DLG2: variants seen among roughly 807,000 people sequenced by gnomAD.
DLG2 encodes discs large MAGUK scaffold protein 2.
DLG2 carries 45 observed loss-of-function variants against 132.5 expected under a neutral mutation model. The observed-to-expected ratio is 0.34, with a 90% confidence interval of 0.27 to 0.44. The LOEUF (loss-of-function observed/expected upper bound fraction) is 0.44, where lower values mean the gene tolerates loss of function less well. Ranked by LOEUF, DLG2 falls within the 20% of genes least tolerant of loss-of-function variation. The pLI is 1.00. For missense variants in DLG2, 1,045 were observed against 1,196.9 expected (o/e 0.87, Z 1.87); for synonymous variants, 424 against 419.6 (o/e 1.01, Z -0.13).
At chr11:84,729,062 A>G (rs1390218366) in intron 6 of DLG2, among the ~76,000 whole-genome samples, 2 of 151,986 alleles carry the variant, frequency 1.3e-5, no homozygotes, top group Non-Finnish European at 2.9e-5. Context: ...GATTTTTTGA[A>G]GGTTTTTTTG....
At position 84,355,711 on chromosome 11, in the gene DLG2, A is replaced by T. The variant is rs111859439; in HGVS notation, c.520-104420T>A. ...GGTAAGATGAAGAATCAGAAATTTT[A>T]AAAAAAGATCACAAAGGACCTTCCT... On this transcript the variant is annotated intron_variant, in intron 7 of 27. Transcript: ENST00000376104. Among the ~76,000 whole-genome samples the T allele has an allele frequency of 1.7e-4, 26 of 152,264 alleles. 1 individual carries two copies. Among genetic ancestry groups the T allele is most frequent in the African/African-American group, 6.3e-4 (26 of 41,562 alleles).
chr11:83,494,957 GT>G (rs1215562005), intron 21 of DLG2, among the ~76,000 whole-genome samples: 1 of 152,128 alleles, frequency 6.6e-6, no homozygotes, highest in Non-Finnish European at 1.5e-5. Flanking sequence ...CTCCTGGAGT[GT>G]TTGTTTGCTT....
At chr11:85,309,033 A>G (rs1038320563) in intron 3 of DLG2, among the ~76,000 whole-genome samples, 1 of 152,112 alleles carries the variant, frequency 6.6e-6, no homozygotes, top group Non-Finnish European at 1.5e-5. Context: ...CCTATAGAAT[A>G]GGGAGAAAAT....
intron 6 of DLG2, among the ~76,000 whole-genome samples, chr11:84,947,514 T>C (rs1228250974): frequency 6.6e-6 from 1 of 152,182 alleles, no homozygotes; most frequent in Non-Finnish European, 1.5e-5. Context: ...AATTCCTCCA[T>C]GCCAACAACC....
At chr11:84,887,611 C>T (rs1054860524) in intron 6 of DLG2, among the ~76,000 whole-genome samples, 2 of 152,052 alleles carry the variant, frequency 1.3e-5, no homozygotes, top group African/African-American at 2.4e-5. Flanking sequence ...TAATTAGGAT[C>T]AAGAGAATGG....
chr11:84,437,647 A>G (rs2099004929), intron 7 of DLG2: 1 of 152,306 alleles, frequency 6.6e-6, no homozygotes, highest in Non-Finnish European at 1.5e-5. Context: ...GAGAAAAGGC[A>G]GTCCTGTTTG....
At chr11:84,128,203 T>C (rs904978916) in intron 9 of DLG2, among the ~76,000 whole-genome samples, 3 of 152,144 alleles carry the variant, frequency 2.0e-5, no homozygotes, top group African/African-American at 7.2e-5. Context: ...GTGTGAGATG[T>C]TAGACCAGTA....
chr11:84,357,158 T>C (rs1463945418), intron 7 of DLG2, among the ~76,000 whole-genome samples: 2 of 152,058 alleles, frequency 1.3e-5, no homozygotes, highest in African/African-American at 4.8e-5. Context: ...CAGCACAGTC[T>C]GGATGTCTTC....
rs2055238901 is a variant in DLG2 at position 83,833,660 on chromosome 11, G to C, written c.1676C>G (p.Pro559Arg). 2 of 1,613,876 alleles carry C rather than the reference G, an allele frequency of 1.2e-6. No homozygotes were observed. The highest frequency in any genetic ancestry group is 1.1e-5 in the South Asian group (1 of 91,062). ...IFVSFILAGGPADLSGELQRG... is the reference protein window; with the variant it reads ...IFVSFILAGGRADLSGELQRG... ...CTGGAGCTCCCCACTTAGGTCTGCT[G>C]GTCCACCAGCCAGAATGAAGGACAC... Residue 559 changes from proline (P) to arginine (R), a missense_variant, in exon 17 of 28, where the codon CCA becomes CGA. Physicochemically the swap from Pro to Arg is moderately radical, Grantham distance 103 (BLOSUM62 -2). This residue lies in a region of DLG2 where 398 missense variants were observed against 543.6 expected (regional missense o/e 0.73). Transcript: ENST00000376104.
chr11:83,864,962 AG>A (rs1219317615), intron 16 of DLG2, among the ~76,000 whole-genome samples: 8 of 151,924 alleles, frequency 5.3e-5, no homozygotes, highest in Admixed American at 5.3e-4. Context: ...CAGCCAGGCA[AG>A]GTACCAACAG....
chr11:84,352,547 G>A (rs1188951255), intron 7 of DLG2, among the ~76,000 whole-genome samples: 4 of 152,122 alleles, frequency 2.6e-5, no homozygotes, highest in Non-Finnish European at 5.9e-5. Context: ...TCCAGCTAGG[G>A]TGAGCCACAA....
chr11:85,257,370 G>A (rs950975794), intron 4 of DLG2, among the ~76,000 whole-genome samples: 1 of 152,184 alleles, frequency 6.6e-6, no homozygotes, highest in African/African-American at 2.4e-5. Flanking sequence ...ATACAAAAGT[G>A]TATGAGAAAG....
intron 3 of DLG2, among the ~76,000 whole-genome samples, chr11:85,347,650 C>G (rs994623202): frequency 2.6e-5 from 4 of 151,996 alleles, no homozygotes; most frequent in Admixed American, 1.3e-4. Flanking sequence ...GTTAATTAAT[C>G]TGTATGCCTT....
intron 3 of DLG2, among the ~76,000 whole-genome samples, chr11:85,581,096 T>C (rs1370828258): frequency 6.6e-6 from 1 of 152,164 alleles, no homozygotes; most frequent in Non-Finnish European, 1.5e-5. Flanking sequence ...GCTCTCTTCC[T>C]ACCGGGCCCT....
At chr11:83,657,458 G>A (rs1165214606) in intron 18 of DLG2, among the ~76,000 whole-genome samples, 2 of 151,280 alleles carry the variant, frequency 1.3e-5, no homozygotes, top group East Asian at 1.9e-4. Context: ...TACTTACTTG[G>A]TAAATGTTAT....
chr11:84,386,149 C>T (rs2098769134), intron 7 of DLG2, among the ~76,000 whole-genome samples: 1 of 152,014 alleles, frequency 6.6e-6, no homozygotes. Flanking sequence ...TTAGACTCTC[C>T]CAGCCCAGCC....
intron 3 of DLG2, among the ~76,000 whole-genome samples, chr11:85,491,664 A>G (rs1361448932): frequency 6.6e-6 from 1 of 152,116 alleles, no homozygotes; most frequent in Non-Finnish European, 1.5e-5. Context: ...GCTACAAAAA[A>G]TAAAATACTT....
At chr11:85,344,179 T>G (rs939386617) in intron 3 of DLG2, among the ~76,000 whole-genome samples, 11 of 152,172 alleles carry the variant, frequency 7.2e-5, no homozygotes, top group Admixed American at 6.5e-4. Context: ...GCTATTGTCT[T>G]AAGTAGACCT....
chr11:84,236,132 T>C (rs1222910985), intron 8 of DLG2, among the ~76,000 whole-genome samples: 1 of 151,824 alleles, frequency 6.6e-6, no homozygotes, highest in Non-Finnish European at 1.5e-5. Flanking sequence ...TTCTCTTAGA[T>C]GCCAAGTCTG....
Sources: allele counts gnomAD v4.1 joint callset (sites outside exome capture counted in the v4.1 genomes callset), GRCh38; gene constraint gnomAD v4.1.1; regional missense constraint gnomAD v4.1.1; transcripts MANE v1.5; gene names NCBI Gene and HGNC (gene_info 2026-07-23, HGNC 2026-07-21).